The following CYP39A1 variants were observed in gnomAD, a reference collection of about 807,000 sequenced individuals.
CYP39A1 encodes 24-hydroxycholesterol 7-alpha-hydroxylase.
A neutral mutation model predicts 58.1 loss-of-function variants in CYP39A1; 49 were observed. That is an observed-to-expected ratio of 0.84 (90% CI 0.67 to 1.07). The LOEUF is 1.07. Ranked by LOEUF, CYP39A1 falls within the 50% of genes least tolerant of loss-of-function variation. The pLI is 0.00. For synonymous variants in CYP39A1, 209 were observed against 187.6 expected (o/e 1.11, Z -0.93); for missense variants, 531 against 539.4 (o/e 0.98, Z 0.16).
At chr6:46,551,851 A>C (rs1770414479) in intron 11 of CYP39A1, among the ~76,000 whole-genome samples, 1 of 152,152 alleles carries the variant, frequency 6.6e-6, no homozygotes, top group Admixed American at 6.5e-5. Flanking sequence ...TAATTTATTG[A>C]AACAAGTTCA....
At chr6:46,622,186 A>G (rs1774995749) in intron 7 of CYP39A1, among the ~76,000 whole-genome samples, 1 of 152,138 alleles carries the variant, frequency 6.6e-6, no homozygotes, top group African/African-American at 2.4e-5. Context: ...GGAAACAGAA[A>G]GTGACTCCTA....
At chr6:46,625,337 T>G in intron 7 of CYP39A1, 81 bp downstream of exon 7, 1 of 923,178 alleles carries the variant, frequency 1.1e-6, no homozygotes. Context: ...TTTTATAAAA[T>G]TATAGGTATT....
intron 7 of CYP39A1, among the ~76,000 whole-genome samples, chr6:46,612,708 A>T (rs1326837130): frequency 6.6e-6 from 1 of 152,232 alleles, no homozygotes; most frequent in East Asian, 1.9e-4. Flanking sequence ...TTTTTAAAAT[A>T]AAATAACTTC....
Position 46,613,124 on chromosome 6 carries a change from T to C in CYP39A1, c.931+12294A>G, listed in dbSNP as rs1050995450. Among the ~76,000 whole-genome samples, 5 of 152,268 alleles carry C rather than the reference T, an allele frequency of 3.3e-5. No individual in the cohort carries two copies. The East Asian group carries it at 9.6e-4, about 29-fold the overall frequency. On this transcript the variant is annotated intron_variant, in intron 7 of 11. Coordinates refer to ENST00000275016, the MANE Select transcript of CYP39A1 (RefSeq NM_016593.5). ...TAAAGCAGACAATATGGAGTTTACC[T>C]AGAATATCACTTTTCACTTTACTAG...
intron 7 of CYP39A1, among the ~76,000 whole-genome samples, chr6:46,618,221 C>T (rs1561996222): frequency 6.6e-6 from 1 of 151,972 alleles, no homozygotes; most frequent in Non-Finnish European, 1.5e-5. Flanking sequence ...AATAACTTCA[C>T]GAGATGAGGA....
At chr6:46,583,019 G>T in intron 10 of CYP39A1, 1 of 973,692 alleles carries the variant, frequency 1.0e-6, no homozygotes, top group Non-Finnish European at 1.2e-6. Context: ...ATAGATGTGA[G>T]ATTTTCATTA....
rs143572890 is a variant in CYP39A1 at position 46,606,568 on chromosome 6, A to AC, written c.932-10449dup. 6.7e-3 allele frequency among the ~76,000 whole-genome samples: 1,026 copies of AC among 152,270 alleles called. 14 individuals carry two copies. The highest frequency in any genetic ancestry group is 0.023 in the African/African-American group (953 of 41,564). On this transcript the variant is annotated intron_variant, in intron 7 of 11. Transcript: ENST00000275016. ...GGGCTACAGTCTAATGGAGACAGGG[A>AC]CCAGTACAGATGACAGACCAATAAA...
rs1243930351 is a variant in CYP39A1 at position 46,549,912 on chromosome 6, C to T, written c.*454G>A. 1 of 152,482 alleles carries T rather than the reference C, an allele frequency of 6.6e-6. No individual in the cohort carries two copies. Among genetic ancestry groups the T allele is most frequent in the Non-Finnish European group, 1.5e-5 (1 of 68,082 alleles). 9.4% of individuals were successfully genotyped at this position (152,482 alleles called of 1,614,324 possible). A position where few individuals can be genotyped will look rare whatever the true frequency, so the allele number is the denominator to read the frequency against. On this transcript the variant is annotated 3_prime_UTR_variant, in exon 12 of 12. Coordinates refer to ENST00000275016, the MANE Select transcript of CYP39A1 (RefSeq NM_016593.5). The stretch of plus-strand genomic sequence containing the variant: ...AGTTCCAATTGCTAGTTGAGAATCA[C>T]CTCAAGAAAAATAGAAAATTTGTAG...
At chr6:46,599,848 T>C (rs141893819) in intron 7 of CYP39A1, among the ~76,000 whole-genome samples, 316 of 152,304 alleles carry the variant, frequency 2.1e-3, no homozygotes, top group Non-Finnish European at 3.9e-3. Context: ...AACACTGGCC[T>C]ACACAGAACT....
intron 1 of CYP39A1, among the ~76,000 whole-genome samples, chr6:46,647,160 CAT>C (rs1300172627): frequency 6.6e-6 from 1 of 151,956 alleles, no homozygotes; most frequent in Admixed American, 6.6e-5. Context: ...AATATAAGCA[CAT>C]AGTGATAGAA....
At chr6:46,573,250 T>C (rs960649031) in intron 10 of CYP39A1, among the ~76,000 whole-genome samples, 1 of 152,146 alleles carries the variant, frequency 6.6e-6, no homozygotes, top group Admixed American at 6.6e-5. Flanking sequence ...ATGATATCTG[T>C]GCATTTGAGG....
In CYP39A1 at chr6:46,642,359, TCTC is replaced by T. The variant is rs1776395174; in HGVS notation, c.178-64_178-62del. 4 of 1,485,504 alleles carry T rather than the reference TCTC, an allele frequency of 2.7e-6. No individual in the cohort carries two copies. In the Admixed American group the frequency reaches 8.6e-5, roughly 32 times the overall value. The allele number at this position is 1,485,504 out of a possible 1,614,324, so 92.0% of individuals were successfully genotyped here. ...ATTCCTAAGCCATGTTTAAGACCAT[TCTC>T]CTCAAGAATCCTAATGCTGAAGTTA... On this transcript the variant is annotated intron_variant, in intron 1 of 11. Coordinates refer to ENST00000275016, the MANE Select transcript of CYP39A1 (RefSeq NM_016593.5).
rs1295143202 is a variant in CYP39A1 at position 46,596,064 on chromosome 6, AT to A, written c.987del (p.Lys329AsnfsTer10). On this transcript the variant is annotated frameshift_variant, in exon 8 of 12. Transcript: ENST00000275016. LOFTEE classifies it high-confidence loss of function. ...EDDLENLLLIKWCVLETIRLK... is the reference protein window; with the variant it reads ...EDDLENLLLIXWCVLETIRLK... ...AAACGAATGGTTTCCAAAACACACC[AT>A]TTAATTAGAAGGAGATTCTCCAGGT... 1.9e-6 allele frequency: 3 copies of A among 1,611,424 alleles called. No individual in the cohort carries two copies. The highest frequency in any genetic ancestry group is 2.5e-6 in the Non-Finnish European group (3 of 1,178,454).
In CYP39A1 at chr6:46,652,491, C is replaced by G; in HGVS notation, c.92G>C (p.Cys31Ser). Residue 31 changes from cysteine to serine, a missense_variant, in exon 1 of 12, where the codon TGC (cysteine) becomes TCC (serine). Physicochemically the swap from Cys to Ser is moderately radical, Grantham distance 112. Transcript: ENST00000275016. The part of the protein sequence containing the change: ...LQRKNLRRPP[C>S]IKGWIPWIGV... ...AATCCAAGGAATCCAGCCCTTGATG[C>G]ACGGGGGTCTACGCAAATTCTTCCG... The G allele has an allele frequency of 1.2e-6, 2 of 1,613,942 alleles. No homozygotes were observed. Among genetic ancestry groups the G allele is most frequent in the East Asian group, 2.2e-5 (1 of 44,860 alleles).
At chr6:46,613,564 T>C (rs913256305) in intron 7 of CYP39A1, among the ~76,000 whole-genome samples, 14 of 152,192 alleles carry the variant, frequency 9.2e-5, no homozygotes, top group African/African-American at 3.1e-4. Context: ...AATTTATTGT[T>C]TAAATAAAGG....
At chr6:46,624,538 G>T (rs1380163947) in intron 7 of CYP39A1, among the ~76,000 whole-genome samples, 4 of 151,552 alleles carry the variant, frequency 2.6e-5, no homozygotes, top group Non-Finnish European at 5.9e-5. Context: ...TTTACTTTTT[G>T]GTTTAACTCC....
chr6:46,616,187 CTTCT>C (rs1454893964), intron 7 of CYP39A1, among the ~76,000 whole-genome samples: 22 of 14,640 alleles, frequency 1.5e-3, no homozygotes, highest in Non-Finnish European at 2.2e-3. Flanking sequence ...TTCTTTCTTT[CTTCT>C]TTCCCTCCCT....
At chr6:46,650,324 G>A (rs1425553964) in intron 1 of CYP39A1, among the ~76,000 whole-genome samples, 1 of 151,414 alleles carries the variant, frequency 6.6e-6, no homozygotes, top group East Asian at 2.0e-4. Flanking sequence ...CTTCCTGCAT[G>A]AAGGTTGAGG....
chr6:46,600,116 CTTTTCTTTTCTT>C (rs997624156), intron 7 of CYP39A1, among the ~76,000 whole-genome samples: 18 of 151,542 alleles, frequency 1.2e-4, no homozygotes, highest in Non-Finnish European at 1.8e-4. Flanking sequence ...CCTTTCTTTT[CTTTTCTTTTCTT>C]TTTTCTTTTC....
Sources: gnomAD v4.1 joint callset for allele counts (sites outside exome capture counted in the v4.1 genomes callset) on GRCh38, gnomAD v4.1.1 for gene constraint, MANE v1.5 for transcripts, NCBI Gene and HGNC (gene_info 2026-07-23, HGNC 2026-07-21) for gene names.